PRKX: variants seen among roughly 807,000 people sequenced by gnomAD.
PRKX encodes protein kinase cAMP-dependent X-linked catalytic subunit, also known as cAMP-dependent protein kinase catalytic subunit PRKX.
PRKX carries 12 observed loss-of-function variants against 22.0 expected under a neutral mutation model. That is an observed-to-expected ratio of 0.54 (90% CI 0.35 to 0.88). The LOEUF (loss-of-function observed/expected upper bound fraction) is 0.88. Among genes scored for constraint, PRKX ranks in the 40% least tolerant of loss-of-function variants. The pLI is 0.01. For missense variants in PRKX, 217 were observed against 308.0 expected (o/e 0.70, Z 2.21); for synonymous variants, 134 against 137.7 (o/e 0.97, Z 0.19).
intron 1 of PRKX, among the ~76,000 whole-genome samples, chrX:3,685,675 T>C (rs12387181): frequency 0.032 from 3,515 of 110,234 alleles, 144 homozygotes; most frequent in African/African-American, 0.11. Context: ...AAATGGGTGA[T>C]TTTGTTGTAT....
At position 3,696,597 on chromosome X, in the gene PRKX, G is replaced by A. The variant is rs138455439; in HGVS notation, c.166+16491C>T. Among the ~76,000 whole-genome samples, 865 of 111,899 alleles carry A rather than the reference G, an allele frequency of 7.7e-3. 6 individuals are homozygous for A. Among genetic ancestry groups the A allele is most frequent in the South Asian group, 0.028 (76 of 2,691 alleles). Reference sequence around the variant, plus strand: ...TGGGTACTCGAAGCGCGGGTTCCACGGACTGTGTCTTTCTCACCATCGTAA... The same window carrying A: ...TGGGTACTCGAAGCGCGGGTTCCACAGACTGTGTCTTTCTCACCATCGTAA... On this transcript the variant is annotated intron_variant, in intron 1 of 8. Transcript: ENST00000262848.
At chrX:3,658,376 G>A (rs1044401391) in intron 2 of PRKX, among the ~76,000 whole-genome samples, 6 of 111,129 alleles carry the variant, frequency 5.4e-5, no homozygotes, top group Non-Finnish European at 7.5e-5. Context: ...TCAACTTCCC[G>A]GGCTCGAGCA....
intron 7 of PRKX, 111 bp downstream of exon 7, chrX:3,615,704 T>C: frequency 1.6e-6 from 1 of 637,228 alleles, no homozygotes; most frequent in Non-Finnish European, 2.5e-6. Flanking sequence ...AGTTGTATTA[T>C]ATAAATTAAT....
chrX:3,673,067 T>C (rs1337762471), intron 2 of PRKX, among the ~76,000 whole-genome samples: 2 of 111,308 alleles, frequency 1.8e-5, no homozygotes, highest in Non-Finnish European at 3.8e-5. Context: ...CATATGATTT[T>C]GTTCGGAGCT....
intron 6 of PRKX, among the ~76,000 whole-genome samples, chrX:3,616,999 C>CAT (rs1926433636): frequency 9.0e-6 from 1 of 110,955 alleles, no homozygotes; most frequent in Non-Finnish European, 1.9e-5. Context: ...CACACACATA[C>CAT]ATATATACAC....
At chrX:3,713,064 G>A in intron 1 of PRKX, 24 bp downstream of exon 1, 27 of 1,151,160 alleles carry the variant, frequency 2.3e-5, no homozygotes, top group Non-Finnish European at 3.1e-5. Context: ...CCTGTGGGCC[G>A]AGTCCCCGCC....
chrX:3,611,948 C>T (rs1358030503), intron 8 of PRKX, among the ~76,000 whole-genome samples: 1 of 111,164 alleles, frequency 9.0e-6, no homozygotes, highest in East Asian at 2.8e-4. Context: ...TGATGCAGAA[C>T]ATGGATTCTG....
At position 3,608,775 on chromosome X, in the gene PRKX, C is replaced by G. The variant is rs1281278259; in HGVS notation, c.*194G>C. On this transcript the variant is annotated 3_prime_UTR_variant, in exon 9 of 9. Coordinates refer to ENST00000262848, the MANE Select transcript of PRKX (RefSeq NM_005044.5). ...AAAACCTTCCTACAGTGTGGAATTC[C>G]AGTTGCTTAAATAATGCCAGTTCCA... The G allele has an allele frequency of 8.9e-6, 1 of 112,047 alleles. No homozygotes were observed. The highest frequency in any genetic ancestry group is 2.8e-4 in the East Asian group (1 of 3,559). 9.2% of individuals were successfully genotyped at this position (112,047 alleles called of 1,213,427 possible).
At chrX:3,692,588 C>T (rs1440687597) in intron 1 of PRKX, among the ~76,000 whole-genome samples, 4 of 100,892 alleles carry the variant, frequency 4.0e-5, no homozygotes, top group African/African-American at 7.4e-5. Context: ...AGTGCAGTGG[C>T]GCGATCTCAG....
intron 3 of PRKX, among the ~76,000 whole-genome samples, chrX:3,652,417 CAAAA>C (rs75373565): frequency 1.2e-5 from 1 of 81,473 alleles, no homozygotes; most frequent in African/African-American, 4.5e-5. Context: ...GACTCCATCT[CAAAA>C]AAAAAAAAAA....
At chrX:3,651,880 A>G (rs1391769188) in intron 3 of PRKX, among the ~76,000 whole-genome samples, 1 of 112,328 alleles carries the variant, frequency 8.9e-6, no homozygotes, top group Non-Finnish European at 1.9e-5. Context: ...GGATGTCATT[A>G]TCTAATTCTA....
intron 1 of PRKX, among the ~76,000 whole-genome samples, chrX:3,693,588 A>C (rs1455762424): frequency 9.0e-6 from 1 of 111,115 alleles, no homozygotes; most frequent in Non-Finnish European, 1.9e-5. Flanking sequence ...GGTGCCCCCC[A>C]AAAATATGTC....
intron 3 of PRKX, among the ~76,000 whole-genome samples, chrX:3,649,143 C>G (rs937264075): frequency 1.8e-5 from 2 of 111,331 alleles, no homozygotes; most frequent in African/African-American, 6.5e-5. Context: ...GAAATCCTCA[C>G]TGGAGCATCT....
At chrX:3,641,209 G>C (rs1314632080) in intron 4 of PRKX, among the ~76,000 whole-genome samples, 1 of 111,609 alleles carries the variant, frequency 9.0e-6, no homozygotes, top group East Asian at 2.8e-4. Flanking sequence ...TATTGCGAGA[G>C]ATCCAAGAAC....
At chrX:3,621,179 C>T (rs1926547713) in intron 6 of PRKX, 80 bp downstream of exon 6, 12 of 896,898 alleles carry the variant, frequency 1.3e-5, no homozygotes, top group South Asian at 4.3e-5. Flanking sequence ...TTGGTTTATA[C>T]CTGCACATGC....
chrX:3,705,596 G>C (rs754804491), intron 1 of PRKX, among the ~76,000 whole-genome samples: 1 of 111,872 alleles, frequency 8.9e-6, no homozygotes, highest in Non-Finnish European at 1.9e-5. Context: ...TTTCTAACAG[G>C]GAAAACGAGG....
chrX:3,665,140 A>G (rs1487021452), intron 2 of PRKX, among the ~76,000 whole-genome samples: 2 of 111,129 alleles, frequency 1.8e-5, no homozygotes, highest in Non-Finnish European at 3.8e-5. Flanking sequence ...GTGTGTGTGC[A>G]CGTGCACGTG....
At chrX:3,701,848 T>C (rs746024268) in intron 1 of PRKX, among the ~76,000 whole-genome samples, 34 of 111,892 alleles carry the variant, frequency 3.0e-4, no homozygotes, top group African/African-American at 1.1e-3. Flanking sequence ...CATGACAGTT[T>C]ACAAATGCCA....
chrX:3,611,480 C>G (rs1267059187), intron 8 of PRKX: 1 of 112,130 alleles, frequency 8.9e-6, no homozygotes, highest in East Asian at 2.8e-4. Flanking sequence ...AGCCATATAA[C>G]CGAGCAATTT....
Sources: gnomAD v4.1 joint callset for allele counts (sites outside exome capture counted in the v4.1 genomes callset) on GRCh38, gnomAD v4.1.1 for gene constraint, MANE v1.5 for transcripts, NCBI Gene and HGNC (gene_info 2026-07-23, HGNC 2026-07-21) for gene names.